The following IL16 variants were observed in gnomAD, a reference collection of about 807,000 sequenced individuals.
IL16 encodes the protein pro-interleukin-16.
Under a neutral mutation model 110.1 loss-of-function variants are expected in IL16, and 67 were observed. The observed-to-expected ratio is 0.61, with a 90% CI of 0.50 to 0.75. The LOEUF is 0.75. IL16 is among the 30% of genes least tolerant of loss of function. The pLI, the probability that IL16 is intolerant of heterozygous loss-of-function variation, is 0.00. For synonymous variants in IL16, 689 were observed against 662.9 expected (o/e 1.04, Z -0.61); for missense variants, 1,545 against 1,655.0 (o/e 0.93, Z 1.15).
intron 7 of IL16, 110 bp from the exon 8 acceptor site, chr15:81,279,448 T>G: frequency 1.4e-6 from 1 of 696,258 alleles, no homozygotes; most frequent in Non-Finnish European, 2.4e-6. Context: ...TATGCGCACA[T>G]TTATATTTCA....
chr15:81,282,467 G>C lies in IL16; in HGVS notation c.1082-172G>C, dbSNP rs116919676. Reference sequence around the variant, plus strand: ...TTCCCCACTATTCCTTGCCTGCCTTGGTCACTGTTCTGACCCTAGAGCGGT... The same window carrying C: ...TTCCCCACTATTCCTTGCCTGCCTTCGTCACTGTTCTGACCCTAGAGCGGT... On this transcript the variant is annotated intron_variant, in intron 8 of 18. Coordinates refer to ENST00000683961, the MANE Select transcript of IL16 (RefSeq NM_172217.5). Among the ~76,000 whole-genome samples the C allele has an allele frequency of 2.4e-4, 36 of 152,156 alleles. No homozygotes were observed. The East Asian group carries it at 6.8e-3, about 29-fold the overall frequency.
intron 2 of IL16, among the ~76,000 whole-genome samples, chr15:81,250,081 G>A (rs1262025121): frequency 6.6e-6 from 1 of 152,080 alleles, no homozygotes; most frequent in Non-Finnish European, 1.5e-5. Context: ...TATTAAATAT[G>A]TATTGTATTC....
intron 13 of IL16, among the ~76,000 whole-genome samples, chr15:81,297,970 C>T (rs1900075537): frequency 6.6e-6 from 1 of 152,206 alleles, no homozygotes; most frequent in Non-Finnish European, 1.5e-5. Flanking sequence ...GCACATCTCA[C>T]CCAGAGCAGA....
In IL16 at chr15:81,300,232, T is replaced by G; in HGVS notation, c.2906T>G (p.Leu969Arg). 6.2e-7 allele frequency: 1 copy of G among 1,614,228 alleles called. No homozygotes were observed. The highest frequency in any genetic ancestry group is 8.5e-7 in the Non-Finnish European group (1 of 1,180,034). Residue 969 changes from leucine (L) to arginine (R), a missense_variant, in exon 14 of 19, where the codon CTG becomes CGG. This residue lies in a region of IL16 where 1,185 missense variants were observed against 1,238.8 expected (regional missense o/e 0.96). Coordinates refer to ENST00000683961, the MANE Select transcript of IL16 (RefSeq NM_172217.5). ...MPSQRARSFP[L>R]TRSQSCETKL... The stretch of plus-strand genomic sequence containing the variant: ...AGCCAGCGAGCACGGAGCTTCCCCC[T>G]GACCAGGTCCCAGTCCTGTGAGACG...
At chr15:81,248,420 G>A (rs1897642725) in intron 2 of IL16, among the ~76,000 whole-genome samples, 1 of 151,088 alleles carries the variant, frequency 6.6e-6, no homozygotes, top group South Asian at 2.1e-4. Flanking sequence ...GTTTATGGTT[G>A]GATTTACAAT....
intron 10 of IL16, among the ~76,000 whole-genome samples, chr15:81,287,042 G>C (rs1162440417): frequency 1.3e-5 from 2 of 152,112 alleles, no homozygotes. Context: ...CTCCCACCAG[G>C]TCCCTCCCAC....
Position 81,285,728 on chromosome 15 carries a change from T to C in IL16, c.1230T>C (p.Asp410=). The C allele has an allele frequency of 1.2e-6, 2 of 1,614,162 alleles. No individual in the cohort carries two copies. Among genetic ancestry groups the C allele is most frequent in the Non-Finnish European group, 1.7e-6 (2 of 1,179,998 alleles). ...RCGDEIVEIS[D]SPVHCLTLNE... ...GGGACGAGATTGTGGAAATCAGTGA[T>C]TCCCCTGTGCACTGCCTGACGCTCA... The change falls in exon 10 of 19, where the codon GAT becomes GAC. Residue 410 remains aspartate (D), a synonymous_variant. Coordinates refer to ENST00000683961, the MANE Select transcript of IL16 (RefSeq NM_172217.5).
chr15:81,188,860 G>A (rs973438729), intron 1 of IL16, among the ~76,000 whole-genome samples: 1 of 151,964 alleles, frequency 6.6e-6, no homozygotes, highest in African/African-American at 2.4e-5. Flanking sequence ...AGAAAGATAT[G>A]GCACAGCCCC....
chr15:81,255,778 G>A (rs1897923722), intron 2 of IL16, among the ~76,000 whole-genome samples: 2 of 152,082 alleles, frequency 1.3e-5, no homozygotes, highest in South Asian at 4.1e-4. Context: ...GGGTGGGCGG[G>A]GCAGGGAGAG....
chr15:81,264,252 CAG>C (rs1567024692), intron 3 of IL16, among the ~76,000 whole-genome samples: 2 of 152,172 alleles, frequency 1.3e-5, no homozygotes, highest in Admixed American at 1.3e-4. Context: ...CCCTGTAACT[CAG>C]AGAGGGCCAC....
intron 11 of IL16, among the ~76,000 whole-genome samples, chr15:81,291,020 A>G (rs1438748111): frequency 1.3e-5 from 2 of 152,248 alleles, no homozygotes; most frequent in African/African-American, 4.8e-5. Flanking sequence ...CAAATTTTAT[A>G]AGAAAAAGTG....
intron 2 of IL16, among the ~76,000 whole-genome samples, chr15:81,235,667 A>G (rs1897155562): frequency 6.6e-6 from 1 of 152,174 alleles, no homozygotes; most frequent in Non-Finnish European, 1.5e-5. Flanking sequence ...TGAGCAGGTC[A>G]CAAAGTAGAC....
chr15:81,216,858 A>G (rs576681142), intron 1 of IL16, among the ~76,000 whole-genome samples: 1 of 152,214 alleles, frequency 6.6e-6, no homozygotes, highest in South Asian at 2.1e-4. Context: ...TCCACTGCAT[A>G]CTAAGTAGAT....
At chr15:81,295,322 T>G (rs1179217066) in intron 12 of IL16, 1 of 1,112,654 alleles carries the variant, frequency 9.0e-7, no homozygotes, top group Non-Finnish European at 1.1e-6. Flanking sequence ...TAAAATCAAA[T>G]TTATTTCAGG....
At chr15:81,247,385 C>G (rs766749267) in intron 2 of IL16, among the ~76,000 whole-genome samples, 2 of 152,026 alleles carry the variant, frequency 1.3e-5, no homozygotes, top group African/African-American at 2.4e-5. Flanking sequence ...GTTCTAAATG[C>G]CTTTAAATTT....
At chr15:81,252,188 C>T (rs1184040410) in intron 2 of IL16, among the ~76,000 whole-genome samples, 2 of 152,032 alleles carry the variant, frequency 1.3e-5, no homozygotes, top group African/African-American at 4.8e-5. Context: ...CAGGAAATAC[C>T]AGGATTCACT....
chr15:81,283,986 G>A (rs28558669), intron 9 of IL16, among the ~76,000 whole-genome samples: 3,472 of 134,648 alleles, frequency 0.026, 124 homozygotes, highest in African/African-American at 0.083. Context: ...CTGGGCAACA[G>A]AGCAAGACCC....
intron 12 of IL16, among the ~76,000 whole-genome samples, chr15:81,294,790 T>C (rs1899906123): frequency 6.6e-6 from 1 of 152,098 alleles, no homozygotes; most frequent in South Asian, 2.1e-4. Flanking sequence ...GAAAGGATCA[T>C]AGCACGCAAT....
intron 2 of IL16, among the ~76,000 whole-genome samples, chr15:81,231,376 C>CTT (rs1896978955): frequency 6.8e-6 from 1 of 146,676 alleles, no homozygotes; most frequent in African/African-American, 2.6e-5. Context: ...CTCTCTCTCT[C>CTT]TCTCTCCCTC....
Sources: gnomAD v4.1 joint callset for allele counts (sites outside exome capture counted in the v4.1 genomes callset) on GRCh38, gnomAD v4.1.1 for gene constraint, gnomAD v4.1.1 regional missense constraint, MANE v1.5 for transcripts, NCBI Gene and HGNC (gene_info 2026-07-23, HGNC 2026-07-21) for gene names.